Variants in ZNF385D observed in about 807,000 individuals in gnomAD.
ZNF385D encodes the protein zinc finger protein 385D.
In ZNF385D, 15 loss-of-function variants were observed where a neutral mutation model predicts 35.8. That is an observed-to-expected ratio of 0.42 (90% confidence interval 0.28 to 0.64). The LOEUF (loss-of-function observed/expected upper bound fraction) is 0.64, where lower values mean the gene tolerates loss of function less well. Among genes scored for constraint, ZNF385D ranks in the 30% least tolerant of loss-of-function variants. The probability of loss-of-function intolerance (pLI) is 0.23; values close to 1 mark genes in which losing one functional copy is unlikely to be tolerated. For missense variants in ZNF385D, 474 were observed against 494.6 expected (o/e 0.96, Z 0.39); for synonymous variants, 212 against 186.8 (o/e 1.13, Z -1.10).
chr3:22,181,120 T>C (rs1695240042), intron 2 of ZNF385D, among the ~76,000 whole-genome samples: 1 of 152,100 alleles, frequency 6.6e-6, no homozygotes, highest in African/African-American at 2.4e-5. Context: ...TCCATAACAA[T>C]TCTTATAAAT....
intron 3 of ZNF385D, among the ~76,000 whole-genome samples, chr3:22,098,905 A>G (rs1266152620): frequency 6.6e-6 from 1 of 152,116 alleles, no homozygotes; most frequent in East Asian, 1.9e-4. Flanking sequence ...GGCATTATTT[A>G]TCAAAAGTTT....
At chr3:22,223,384 T>C (rs948719300) in intron 2 of ZNF385D, among the ~76,000 whole-genome samples, 4 of 152,290 alleles carry the variant, frequency 2.6e-5, no homozygotes, top group South Asian at 2.1e-4. Context: ...TGTTTAATAA[T>C]GTAGGCTCTG....
intron 2 of ZNF385D, among the ~76,000 whole-genome samples, chr3:22,347,144 C>CA (rs1262242195): frequency 2.6e-5 from 4 of 152,014 alleles, no homozygotes; most frequent in Admixed American, 1.3e-4. Context: ...TTACCCTTTA[C>CA]AAAAAAATGT....
chr3:22,027,462 T>C (rs776610780), intron 3 of ZNF385D, among the ~76,000 whole-genome samples: 1 of 152,162 alleles, frequency 6.6e-6, no homozygotes, highest in African/African-American at 2.4e-5. Context: ...CAGGTCCCCA[T>C]TGATGAATCA....
At chr3:21,502,913 G>T (rs929502630) in intron 4 of ZNF385D, among the ~76,000 whole-genome samples, 5 of 152,200 alleles carry the variant, frequency 3.3e-5, no homozygotes, top group Non-Finnish European at 7.3e-5. Context: ...CAAGACGTAT[G>T]CAGTGGGTCT....
At chr3:21,651,441 G>A (rs2065910793) in intron 2 of ZNF385D, among the ~76,000 whole-genome samples, 1 of 151,528 alleles carries the variant, frequency 6.6e-6, no homozygotes, top group South Asian at 2.1e-4. Context: ...CATATAGTAT[G>A]TCTGTGATCA....
chr3:22,195,930 C>A (rs1433414207), intron 2 of ZNF385D, among the ~76,000 whole-genome samples: 1 of 151,914 alleles, frequency 6.6e-6, no homozygotes, highest in African/African-American at 2.4e-5. Context: ...GAACAGTAAA[C>A]CAAATACTGC....
intron 3 of ZNF385D, among the ~76,000 whole-genome samples, chr3:22,028,773 G>A (rs1327754939): frequency 6.6e-6 from 1 of 152,086 alleles, no homozygotes; most frequent in Non-Finnish European, 1.5e-5. Flanking sequence ...GGAATTCACT[G>A]GTCTTCCCAT....
chr3:22,073,254 C>A (rs964867184), intron 3 of ZNF385D, among the ~76,000 whole-genome samples: 1 of 151,192 alleles, frequency 6.6e-6, no homozygotes, highest in Admixed American at 6.6e-5. Context: ...TAAGATTTCC[C>A]TTTTGGATTC....
intron 3 of ZNF385D, among the ~76,000 whole-genome samples, chr3:22,165,063 A>G (rs762832718): frequency 1.3e-4 from 20 of 152,198 alleles, no homozygotes; most frequent in Non-Finnish European, 2.2e-4. Flanking sequence ...ACTATTCTGT[A>G]TGATGTTGTG....
Position 21,465,637 on chromosome 3 carries a change from A to C in ZNF385D, c.440-28434T>G, listed in dbSNP as rs552918185. ...ATATTTCCTGGCACTCTTGTCTCAC[A>C]TCTGTGTAAGTCTCCGTGTATCTTA... is the stretch of plus-strand genomic sequence containing the variant. On this transcript the variant is annotated intron_variant, in intron 4 of 7. Transcript: ENST00000281523. The surrounding 1 kb of genome is among the most constrained non-coding windows in gnomAD (Gnocchi z 4.2). 1.6e-4 allele frequency among the ~76,000 whole-genome samples: 25 copies of C among 152,308 alleles called. No individual in the cohort carries two copies. Among genetic ancestry groups the C allele is most frequent in the African/African-American group, 5.3e-4 (22 of 41,562 alleles).
chr3:21,885,897 G>A (rs1249884878), intron 3 of ZNF385D, among the ~76,000 whole-genome samples: 2 of 151,906 alleles, frequency 1.3e-5, no homozygotes, highest in African/African-American at 2.4e-5. Context: ...CTAGCTCAGT[G>A]GAGGTCAGTC....
chr3:22,091,740 T>A (rs1233785461), intron 3 of ZNF385D, among the ~76,000 whole-genome samples: 1 of 152,292 alleles, frequency 6.6e-6, no homozygotes, highest in Admixed American at 6.5e-5. Context: ...ATATGGTAAA[T>A]CTTTCAAGAC....
chr3:21,769,349 C>T (rs2070976073), intron 3 of ZNF385D, among the ~76,000 whole-genome samples: 1 of 124,446 alleles, frequency 8.0e-6, no homozygotes, highest in African/African-American at 3.3e-5. Flanking sequence ...TCGTCTCAGC[C>T]CAAAATCTCC....
At chr3:21,760,971 G>T (rs1317494232) in intron 3 of ZNF385D, among the ~76,000 whole-genome samples, 1 of 152,172 alleles carries the variant, frequency 6.6e-6, no homozygotes, top group Admixed American at 6.5e-5. Flanking sequence ...GACTGAGTGT[G>T]ACTTTAATGG....
At chr3:21,919,743 C>T (rs1327761030) in intron 3 of ZNF385D, among the ~76,000 whole-genome samples, 3 of 152,220 alleles carry the variant, frequency 2.0e-5, no homozygotes, top group Non-Finnish European at 2.9e-5. Flanking sequence ...CAGCATTCTT[C>T]AGAACACACT....
chr3:22,048,112 A>T (rs1261162764), intron 3 of ZNF385D, among the ~76,000 whole-genome samples: 1 of 151,898 alleles, frequency 6.6e-6, no homozygotes, highest in Non-Finnish European at 1.5e-5. Context: ...TATTGAATTG[A>T]GTTCCATATA....
At chr3:22,355,174 A>C (rs1696093764) in intron 2 of ZNF385D, among the ~76,000 whole-genome samples, 2 of 152,118 alleles carry the variant, frequency 1.3e-5, no homozygotes, top group Admixed American at 1.3e-4. Flanking sequence ...TATAGTCTCC[A>C]TCAACTTGCA....
intron 1 of ZNF385D, among the ~76,000 whole-genome samples, chr3:21,666,735 A>G (rs2066419520): frequency 1.3e-5 from 2 of 152,190 alleles, no homozygotes; most frequent in African/African-American, 4.8e-5. Flanking sequence ...CTCTTTTATT[A>G]AAAATTTTAA....
Sources: allele counts gnomAD v4.1 joint callset (sites outside exome capture counted in the v4.1 genomes callset), GRCh38; gene constraint gnomAD v4.1.1; non-coding constraint Gnocchi (gnomAD v3.1); transcripts MANE v1.5; gene names NCBI Gene and HGNC (gene_info 2026-07-23, HGNC 2026-07-21).